The following RGS7 variants were observed in gnomAD, a reference collection of about 807,000 sequenced individuals.
The protein encoded by RGS7 is regulator of G protein signaling 7.
RGS7 carries 27 observed loss-of-function variants against 81.1 expected under a neutral mutation model. That is an observed-to-expected ratio of 0.33 (90% CI 0.25 to 0.46). The LOEUF (loss-of-function observed/expected upper bound fraction) is 0.46, where lower values mean the gene tolerates loss of function less well. RGS7 is among the 20% of genes least tolerant of loss of function. The probability of loss-of-function intolerance (pLI) is 1.00; values close to 1 mark genes in which losing one functional copy is unlikely to be tolerated. For missense variants in RGS7, 396 were observed against 607.4 expected (o/e 0.65, Z 3.66); for synonymous variants, 208 against 207.7 (o/e 1.00, Z -0.01).
chr1:240,853,370 A>G (rs2147940201), intron 9 of RGS7, among the ~76,000 whole-genome samples: 1 of 152,342 alleles, frequency 6.6e-6, no homozygotes, highest in South Asian at 2.1e-4. Flanking sequence ...TATATTATTT[A>G]CATTATGATA....
At chr1:241,207,069 C>T (rs964497757) in intron 2 of RGS7, among the ~76,000 whole-genome samples, 6 of 147,300 alleles carry the variant, frequency 4.1e-5, no homozygotes, top group African/African-American at 1.2e-4. Context: ...CCCGGGTTCA[C>T]GCCATTCTCC....
At chr1:240,990,720 C>T (rs557839653) in intron 3 of RGS7, among the ~76,000 whole-genome samples, 3 of 152,268 alleles carry the variant, frequency 2.0e-5, no homozygotes, top group East Asian at 3.9e-4. Flanking sequence ...GATATAAAGC[C>T]CTTCTTCCAA....
At chr1:240,944,292 A>G (rs1359350828) in intron 4 of RGS7, among the ~76,000 whole-genome samples, 5,734 of 34,864 alleles carry the variant, frequency 0.16, 151 homozygotes, top group Non-Finnish European at 0.21. Flanking sequence ...GTATATATAT[A>G]TATATATATA....
intron 2 of RGS7, among the ~76,000 whole-genome samples, chr1:241,328,440 C>T (rs181425891): frequency 6.6e-6 from 1 of 152,324 alleles, no homozygotes; most frequent in East Asian, 1.9e-4. Flanking sequence ...AAACTACAGG[C>T]CCAGCTCCAC....
chr1:240,780,531 ATTCTT>A (rs1401228049), intron 18 of RGS7, among the ~76,000 whole-genome samples: 1 of 151,806 alleles, frequency 6.6e-6, no homozygotes, highest in Non-Finnish European at 1.5e-5. Flanking sequence ...ACAGGAATGA[ATTCTT>A]ATATAGTAGA....
chr1:241,346,128 G>A, intron 2 of RGS7, among the ~76,000 whole-genome samples: 1 of 137,028 alleles, frequency 7.3e-6, no homozygotes, highest in East Asian at 2.2e-4. Context: ...TGCTATCAGA[G>A]AGCAATAAAA....
chr1:241,211,987 G>A (rs2074267867), intron 2 of RGS7, among the ~76,000 whole-genome samples: 1 of 151,792 alleles, frequency 6.6e-6, no homozygotes. Flanking sequence ...TTGAATGAGT[G>A]TATTCACCCA....
rs540903889 is a variant in RGS7, at chr1:240,818,243, T to C, written c.685-1828A>G. ...ACTCATTCATTCATTCATTCAACAT[T>C]TATTGAACACTTACTATATACTAGA... On this transcript the variant is annotated intron_variant, in intron 10 of 18. Transcript: ENST00000440928. Among the ~76,000 whole-genome samples the C allele has an allele frequency of 1.3e-3, 200 of 152,192 alleles. 1 individual carries two copies. Among genetic ancestry groups the C allele is most frequent in the African/African-American group, 4.7e-3 (195 of 41,494 alleles).
chr1:240,926,725 T>A (rs1674503412), intron 6 of RGS7, among the ~76,000 whole-genome samples: 1 of 152,170 alleles, frequency 6.6e-6, no homozygotes, highest in African/African-American at 2.4e-5. Flanking sequence ...AGCAAATACA[T>A]CTGGGAAAGC....
chr1:241,340,640 C>A (rs1464378463), intron 2 of RGS7, among the ~76,000 whole-genome samples: 2 of 151,780 alleles, frequency 1.3e-5, no homozygotes, highest in South Asian at 2.1e-4. Context: ...CCAAAAGGGT[C>A]AATTATTGAG....
At chr1:241,118,578 AG>A (rs2066031115) in intron 2 of RGS7, among the ~76,000 whole-genome samples, 1 of 152,338 alleles carries the variant, frequency 6.6e-6, no homozygotes, top group Admixed American at 6.5e-5. Context: ...AATATAAAAA[AG>A]ACACTTGCAC....
chr1:241,241,386 G>T (rs1178828980), intron 2 of RGS7, among the ~76,000 whole-genome samples: 1 of 151,940 alleles, frequency 6.6e-6, no homozygotes, highest in Non-Finnish European at 1.5e-5. Context: ...ACTAGTGCTA[G>T]CAATGCCTTA....
At chr1:240,856,083 AATTT>A (rs141818775) in intron 9 of RGS7, among the ~76,000 whole-genome samples, 1,897 of 152,252 alleles carry the variant, frequency 0.012, 47 homozygotes, top group African/African-American at 0.043. Context: ...AGAATATCAA[AATTT>A]ATTTATCTTG....
chr1:240,989,808 G>A (rs978474738), intron 3 of RGS7, among the ~76,000 whole-genome samples: 11 of 152,112 alleles, frequency 7.2e-5, no homozygotes, highest in African/African-American at 2.7e-4. Context: ...TTTGAGGGAA[G>A]TATAAAAACA....
chr1:241,066,012 A>T lies in RGS7; in HGVS notation c.175+32654T>A, dbSNP rs553961354. On this transcript the variant is annotated intron_variant, in intron 3 of 18. Transcript: ENST00000440928. Reference sequence around the variant, plus strand: ...AAGATACACAGTAAAAAAGCATCTTAAAAAGGTAAAAAGAGTATATAAACT... The same window carrying T: ...AAGATACACAGTAAAAAAGCATCTTTAAAAGGTAAAAAGAGTATATAAACT... Among the ~76,000 whole-genome samples the T allele has an allele frequency of 1.1e-4, 17 of 152,346 alleles. No individual in the cohort carries two copies. The East Asian group carries it at 3.3e-3, about 29-fold the overall frequency.
At chr1:241,101,093 G>A (rs1248078260) in intron 2 of RGS7, among the ~76,000 whole-genome samples, 1 of 152,196 alleles carries the variant, frequency 6.6e-6, no homozygotes, top group Non-Finnish European at 1.5e-5. Flanking sequence ...AGTGACTTGT[G>A]CACAAACATT....
chr1:241,156,169 G>GATAGATACAT (rs1475820224), intron 2 of RGS7, among the ~76,000 whole-genome samples: 21 of 142,752 alleles, frequency 1.5e-4, no homozygotes, highest in African/African-American at 4.8e-4. Context: ...TAGATAGATA[G>GATAGATACAT]ATACATATAC....
intron 9 of RGS7, among the ~76,000 whole-genome samples, chr1:240,846,183 T>A (rs1347833515): frequency 1.3e-5 from 2 of 152,206 alleles, no homozygotes; most frequent in African/African-American, 4.8e-5. Flanking sequence ...GGGGAACAGT[T>A]ACTACCTCAT....
chr1:241,079,348 T>C (rs747579307), intron 3 of RGS7, among the ~76,000 whole-genome samples: 6 of 152,128 alleles, frequency 3.9e-5, no homozygotes, highest in Non-Finnish European at 7.4e-5. Flanking sequence ...AGGACGCAAA[T>C]TGAAATGAGA....
Sources: allele counts gnomAD v4.1 joint callset (sites outside exome capture counted in the v4.1 genomes callset), GRCh38; gene constraint gnomAD v4.1.1; transcripts MANE v1.5; gene names NCBI Gene and HGNC (gene_info 2026-07-23, HGNC 2026-07-21).